The following DPH6 variants were observed in gnomAD, a reference collection of about 807,000 sequenced individuals.
DPH6 encodes diphthine--ammonia ligase.
Under a neutral mutation model 38.2 loss-of-function variants are expected in DPH6, and 33 were observed. The observed-to-expected ratio is 0.86, with a 90% CI of 0.65 to 1.15. The LOEUF (loss-of-function observed/expected upper bound fraction) is 1.15, where lower values mean the gene tolerates loss of function less well. Ranked by LOEUF, DPH6 falls within the 50% of genes most tolerant of loss-of-function variation. The pLI is 0.00. For missense variants in DPH6, 325 were observed against 320.0 expected, an observed-to-expected ratio of 1.02 and a Z score of -0.12; for synonymous variants, 108 against 103.0, an observed-to-expected ratio of 1.05 and a Z score of -0.30.
At chr15:35,541,298 T>C (rs2055249907) in intron 2 of DPH6, among the ~76,000 whole-genome samples, 1 of 152,116 alleles carries the variant, frequency 6.6e-6, no homozygotes, top group Non-Finnish European at 1.5e-5. Flanking sequence ...CTGCTCACTA[T>C]TCCAGGGCTA....
chr15:35,485,794 G>A (rs895525854), intron 3 of DPH6, among the ~76,000 whole-genome samples: 16 of 152,156 alleles, frequency 1.1e-4, no homozygotes, highest in Non-Finnish European at 1.6e-4. Flanking sequence ...CATTGTATGC[G>A]ATATTTGGAT....
At chr15:35,445,627 A>G (rs1314683733) in intron 5 of DPH6, among the ~76,000 whole-genome samples, 3 of 151,934 alleles carry the variant, frequency 2.0e-5, no homozygotes, top group Non-Finnish European at 4.4e-5. Context: ...CTGTTCATGT[A>G]TTTTATCATT....
intron 5 of DPH6, among the ~76,000 whole-genome samples, chr15:35,438,179 T>G (rs552714531): frequency 6.6e-6 from 1 of 152,226 alleles, no homozygotes; most frequent in South Asian, 2.1e-4. Context: ...GGAAAAAGTT[T>G]TTTTCTCAGT....
intron 3 of DPH6, among the ~76,000 whole-genome samples, chr15:35,266,402 C>A (rs1394288061): frequency 1.3e-5 from 2 of 152,082 alleles, no homozygotes; most frequent in African/African-American, 4.8e-5. Flanking sequence ...CTTTTATTGG[C>A]TTTGTAGGTA....
chr15:35,262,428 T>C (rs552321132), intron 3 of DPH6, among the ~76,000 whole-genome samples: 1 of 152,194 alleles, frequency 6.6e-6, no homozygotes, highest in South Asian at 2.1e-4. Flanking sequence ...ATACCTTGGC[T>C]GGGTGCAGTG....
At chr15:35,419,602 A>G (rs1039342155) in intron 5 of DPH6, among the ~76,000 whole-genome samples, 2 of 152,154 alleles carry the variant, frequency 1.3e-5, no homozygotes, top group Non-Finnish European at 2.9e-5. Context: ...AATAATAATA[A>G]AAAAGATATT....
chr15:35,303,015 G>A (rs2052064412), intron 3 of DPH6, among the ~76,000 whole-genome samples: 1 of 151,976 alleles, frequency 6.6e-6, no homozygotes, highest in Admixed American at 6.6e-5. Context: ...TCCATATTGG[G>A]GCAAGTCTTC....
At chr15:35,394,059 T>C (rs537064300) in intron 6 of DPH6, among the ~76,000 whole-genome samples, 2 of 152,306 alleles carry the variant, frequency 1.3e-5, no homozygotes, top group African/African-American at 4.8e-5. Context: ...TCTAAGTTAT[T>C]GTTACGCTTC....
chr15:35,483,849 G>T lies in DPH6; in HGVS notation c.313-29029C>A, dbSNP rs969424421. Among the ~76,000 whole-genome samples the T allele has an allele frequency of 8.5e-5, 13 of 152,246 alleles. 1 individual carries two copies. Among genetic ancestry groups the T allele is most frequent in the East Asian group, 5.8e-4 (3 of 5,184 alleles). On this transcript the variant is annotated intron_variant, in intron 3 of 8. Transcript: ENST00000256538. ...TATTGGTATAATAGAATACTATTCA[G>T]CAATAAAAAGAAATGAAGTACTGAT...
chr15:35,467,678 A>G (rs2054144840), intron 3 of DPH6, among the ~76,000 whole-genome samples: 1 of 152,134 alleles, frequency 6.6e-6, no homozygotes, highest in Admixed American at 6.5e-5. Flanking sequence ...ATATCATCCC[A>G]CCGGAAGGTC....
the DPH6 span, among the ~76,000 whole-genome samples, chr15:35,172,848 T>G: frequency 6.6e-6 from 1 of 152,102 alleles, no homozygotes; most frequent in African/African-American, 2.4e-5. Flanking sequence ...TGAACCACCA[T>G]GCCCTTCTAC....
At chr15:35,431,990 TAC>T (rs1399782495) in intron 5 of DPH6, among the ~76,000 whole-genome samples, 5 of 152,120 alleles carry the variant, frequency 3.3e-5, no homozygotes, top group Non-Finnish European at 7.4e-5. Context: ...TACCAATCAA[TAC>T]TTACTATGAC....
chr15:35,150,589 T>C, the DPH6 span, among the ~76,000 whole-genome samples: 2 of 152,232 alleles, frequency 1.3e-5, no homozygotes, highest in Non-Finnish European at 2.9e-5. Context: ...GTAAATTTTA[T>C]GCAAGGCCCT....
At position 35,311,085 on chromosome 15, in the gene DPH6, A is replaced by C. The variant is rs965832169; in HGVS notation, n.200+62436T>G. Among the ~76,000 whole-genome samples the C allele has an allele frequency of 6.6e-3, 1,008 of 151,912 alleles. 8 individuals carry two copies. Among genetic ancestry groups the C allele is most frequent in the African/African-American group, 0.023 (963 of 41,384 alleles). Reference sequence around the variant, plus strand: ...AAAAACAACAACAACAACAACAAAAAAAAAAACCCAAAAAAACCAGATCAT... The same window carrying C: ...AAAAACAACAACAACAACAACAAAACAAAAAACCCAAAAAAACCAGATCAT... On this transcript the variant is annotated intron_variant and non_coding_transcript_variant, in intron 3 of 3. Transcript: ENST00000560386.
chr15:35,260,248 C>T (rs1403507879), intron 3 of DPH6, among the ~76,000 whole-genome samples: 1 of 152,080 alleles, frequency 6.6e-6, no homozygotes, highest in African/African-American at 2.4e-5. Context: ...GCTGGGATTA[C>T]AGGCACCTGC....
intron 3 of DPH6, among the ~76,000 whole-genome samples, chr15:35,287,840 T>C (rs184263318): frequency 6.6e-6 from 1 of 152,178 alleles, no homozygotes; most frequent in Non-Finnish European, 1.5e-5. Context: ...AAAGGAGACA[T>C]TGCAAAATGT....
chr15:35,382,015 A>G, intron 6 of DPH6, 99 bp from the exon 7 acceptor site: 1 of 837,196 alleles, frequency 1.2e-6, no homozygotes, highest in South Asian at 1.6e-5. Flanking sequence ...AAAAAACTTT[A>G]ATTCCAAAAT....
At position 35,511,187 on chromosome 15, in the gene DPH6, T is replaced by C. The variant is rs1022431251; in HGVS notation, c.312+27087A>G. Reference sequence around the variant, plus strand: ...TATTCAAGTTTAAGACTTTCTAATCTAAGAGTTTATCTGGTTTCACAGCTT... The same window carrying C: ...TATTCAAGTTTAAGACTTTCTAATCCAAGAGTTTATCTGGTTTCACAGCTT... On this transcript the variant is annotated intron_variant, in intron 3 of 8. Coordinates refer to ENST00000256538, the MANE Select transcript of DPH6 (RefSeq NM_080650.4). 5.3e-5 allele frequency among the ~76,000 whole-genome samples: 8 copies of C among 152,128 alleles called. No individual in the cohort carries two copies. The South Asian group carries it at 8.3e-4, about 16-fold the overall frequency.
intron 5 of DPH6, among the ~76,000 whole-genome samples, chr15:35,419,397 T>C (rs2053476774): frequency 1.3e-5 from 2 of 152,118 alleles, no homozygotes; most frequent in Non-Finnish European, 2.9e-5. Flanking sequence ...ACAGTTAGAC[T>C]TAAATGCTTA....
Sources: gnomAD v4.1 joint callset for allele counts (sites outside exome capture counted in the v4.1 genomes callset) on GRCh38, gnomAD v4.1.1 for gene constraint, MANE v1.5 for transcripts, NCBI Gene and HGNC (gene_info 2026-07-23, HGNC 2026-07-21) for gene names.